Variants in USH2A observed in about 807,000 individuals in gnomAD.
USH2A encodes the protein usherin, also known as Usher syndrome 2A (autosomal recessive, mild).
USH2A carries 443 observed loss-of-function variants against 538.9 expected under a neutral mutation model. That is an observed-to-expected ratio of 0.82 (90% CI 0.76 to 0.89). The LOEUF is 0.89. USH2A is among the 40% of genes least tolerant of loss of function. The pLI is 0.00. For missense variants in USH2A, 6,633 were observed against 6,324.8 expected (o/e 1.05, Z -1.65); for synonymous variants, 2,413 against 2,273.5 (o/e 1.06, Z -1.75).
intron 4 of USH2A, among the ~76,000 whole-genome samples, chr1:216,341,025 T>A (rs553961570): frequency 6.2e-4 from 94 of 152,092 alleles, no homozygotes; most frequent in African/African-American, 2.0e-3. Flanking sequence ...AAATAAAGGG[T>A]ATTCAAACAG....
Position 215,671,225 on chromosome 1 carries a change from G to A in USH2A, c.13880C>T (p.Thr4627Ile). Reference sequence around the variant, plus strand: ...TTGCATCAAAGGTGCAATCTCAGGGGTCTGTATGAATGTCCAGTCACTTGA... The same window carrying A: ...TTGCATCAAAGGTGCAATCTCAGGGATCTGTATGAATGTCCAGTCACTTGA... ...CASSDWTFIQ[T>I]PEIAPLMQPP... Residue 4627 changes from threonine (T) to isoleucine (I), a missense_variant, in exon 64 of 72, where the codon ACC becomes ATC. Coordinates refer to ENST00000307340, the MANE Select transcript of USH2A (RefSeq NM_206933.4). 6.2e-7 allele frequency: 1 copy of A among 1,614,168 alleles called. No homozygotes were observed. The highest frequency in any genetic ancestry group is 8.5e-7 in the Non-Finnish European group (1 of 1,180,032).
intron 11 of USH2A, among the ~76,000 whole-genome samples, chr1:216,278,809 T>G (rs894044925): frequency 6.6e-6 from 1 of 152,206 alleles, no homozygotes; most frequent in Non-Finnish European, 1.5e-5. Context: ...GTTATGGTAA[T>G]TAATGACAAA....
At chr1:216,146,660 G>C (rs1039309443) in intron 21 of USH2A, among the ~76,000 whole-genome samples, 7 of 151,628 alleles carry the variant, frequency 4.6e-5, no homozygotes, top group African/African-American at 1.5e-4. Context: ...CCTTATTTCC[G>C]CACCCTGACC....
At chr1:216,127,028 C>G (rs561204854) in intron 21 of USH2A, among the ~76,000 whole-genome samples, 1 of 152,262 alleles carries the variant, frequency 6.6e-6, no homozygotes, top group East Asian at 1.9e-4. Flanking sequence ...GCAAAGCTTT[C>G]GGATACAACT....
intron 37 of USH2A, among the ~76,000 whole-genome samples, chr1:215,944,172 C>G (rs1290155777): frequency 6.6e-6 from 1 of 152,086 alleles, no homozygotes; most frequent in African/African-American, 2.4e-5. Flanking sequence ...GGCCAGCTGC[C>G]TATTTTTGTA....
rs568022796 is a variant in USH2A at position 215,974,393 on chromosome 1, G to A, written c.6806-3617C>T. 1.5e-4 allele frequency among the ~76,000 whole-genome samples: 23 copies of A among 152,126 alleles called. No individual in the cohort carries two copies. In the South Asian group the frequency reaches 3.3e-3, roughly 22 times the overall value. On this transcript the variant is annotated intron_variant, in intron 35 of 71. Coordinates refer to ENST00000307340, the MANE Select transcript of USH2A (RefSeq NM_206933.4). ...TTCGGGGGTTCATGTGCAGGTTTCT[G>A]ACATGGGTATATTGTGTGATGCTGA... is the stretch of plus-strand genomic sequence containing the variant.
chr1:215,852,848 A>G (rs1481428956), intron 44 of USH2A, among the ~76,000 whole-genome samples: 2 of 152,214 alleles, frequency 1.3e-5, no homozygotes, highest in East Asian at 1.9e-4. Flanking sequence ...GTGGGTTCCC[A>G]TGGTCTTGGG....
At chr1:216,009,467 TC>T (rs1410607623) in intron 32 of USH2A, among the ~76,000 whole-genome samples, 2 of 152,122 alleles carry the variant, frequency 1.3e-5, no homozygotes, top group Admixed American at 1.3e-4. Context: ...ATAATTCTTG[TC>T]ATAAAATAGG....
Position 216,002,813 on chromosome 1 carries a change from A to G in USH2A, c.6326-2251T>C, listed in dbSNP as rs565159150. On this transcript the variant is annotated intron_variant, in intron 32 of 71. Coordinates refer to ENST00000307340, the MANE Select transcript of USH2A (RefSeq NM_206933.4). ...AAAAAGGCCCGATGCTTGCTTGCGT[A>G]TGTTTCCATGGTACAGACTTGCATA... 5.5e-4 allele frequency among the ~76,000 whole-genome samples: 84 copies of G among 152,264 alleles called. 1 individual carries two copies. Among genetic ancestry groups the G allele is most frequent in the South Asian group, 1.0e-3 (5 of 4,826 alleles).
intron 58 of USH2A, among the ~76,000 whole-genome samples, chr1:215,745,897 A>T (rs1660456716): frequency 6.6e-6 from 1 of 152,228 alleles, no homozygotes; most frequent in Non-Finnish European, 1.5e-5. Context: ...AATGATGGAT[A>T]AGTAAAAATC....
At chr1:215,677,125 A>G (rs1571951203) in intron 62 of USH2A, among the ~76,000 whole-genome samples, 1 of 152,182 alleles carries the variant, frequency 6.6e-6, no homozygotes, top group East Asian at 1.9e-4. Context: ...TTAGAGAAGA[A>G]TGCCTCCATG....
intron 38 of USH2A, among the ~76,000 whole-genome samples, chr1:215,924,432 G>T (rs1666181624): frequency 6.6e-6 from 1 of 152,006 alleles, no homozygotes; most frequent in Admixed American, 6.6e-5. Context: ...TATTTATATA[G>T]GCAGGTAAAT....
Position 216,286,368 on chromosome 1 carries a change from G to T in USH2A, c.1971+2912C>A, listed in dbSNP as rs143052091. 4.0e-3 allele frequency among the ~76,000 whole-genome samples: 616 copies of T among 152,202 alleles called. 2 individuals are homozygous for T. Among genetic ancestry groups the T allele is most frequent in the African/African-American group, 0.014 (586 of 41,526 alleles). On this transcript the variant is annotated intron_variant, in intron 11 of 71. Transcript: ENST00000307340. ...CTGCTGCCATGTAAGACATGCCTTT[G>T]CTTCTCCTTTGCTTTCAGCCATGAT...
At chr1:216,270,316 C>T (rs1558355106) in intron 11 of USH2A, among the ~76,000 whole-genome samples, 1 of 152,062 alleles carries the variant, frequency 6.6e-6, no homozygotes, top group East Asian at 1.9e-4. Context: ...GGAAATCTGT[C>T]CCGGAAATTG....
At chr1:216,013,183 T>C (rs1223486503) in intron 32 of USH2A, among the ~76,000 whole-genome samples, 1 of 152,096 alleles carries the variant, frequency 6.6e-6, no homozygotes, top group Non-Finnish European at 1.5e-5. Flanking sequence ...TTCCATTTAG[T>C]TTTTAATTCA....
chr1:215,736,628 T>C (rs550713922), intron 60 of USH2A, among the ~76,000 whole-genome samples: 87 of 152,128 alleles, frequency 5.7e-4, no homozygotes, highest in African/African-American at 1.9e-3. Flanking sequence ...GAGATTTTCT[T>C]TAATGTGGAA....
chr1:216,158,223 A>ATATG (rs2033987939), intron 21 of USH2A, among the ~76,000 whole-genome samples: 1 of 152,126 alleles, frequency 6.6e-6, no homozygotes, highest in African/African-American at 2.4e-5. Context: ...TTTAGAGCAC[A>ATATG]TATGTATGTA....
chr1:215,728,131 C>G lies in USH2A; in HGVS notation c.11965G>C (p.Glu3989Gln). 6.2e-7 allele frequency: 1 copy of G among 1,614,162 alleles called. No individual in the cohort carries two copies. Among genetic ancestry groups the G allele is most frequent in the Non-Finnish European group, 8.5e-7 (1 of 1,180,038 alleles). ...TGGGAGATAATGCCATTGGGAGATT[C>G]TGGCTTTGTCCAATTCAACAGAACT... ...HSVLLNWTKP[E>Q]SPNGIISHYR... is the part of the protein sequence containing the mutation. Residue 3989 changes from glutamate to glutamine, a missense_variant, in exon 61 of 72, where the codon GAA (glutamate) becomes CAA (glutamine). Physicochemically the swap from Glu to Gln is conservative, Grantham distance 29. Coordinates refer to ENST00000307340, the MANE Select transcript of USH2A (RefSeq NM_206933.4).
At chr1:216,373,498 A>C (rs2038755439) in intron 3 of USH2A, among the ~76,000 whole-genome samples, 1 of 152,150 alleles carries the variant, frequency 6.6e-6, no homozygotes, top group Non-Finnish European at 1.5e-5. Flanking sequence ...TCTCAACGTT[A>C]CAGGAAAGTC....
Sources: allele counts gnomAD v4.1 joint callset (sites outside exome capture counted in the v4.1 genomes callset), GRCh38; gene constraint gnomAD v4.1.1; transcripts MANE v1.5; gene names NCBI Gene and HGNC (gene_info 2026-07-23, HGNC 2026-07-21).